CDKN2B-AS1: variants seen among roughly 807,000 people sequenced by gnomAD.
The protein encoded by CDKN2B-AS1 is CDKN2B antisense RNA 1 (non-protein coding).
At chr9:22,052,758 A>T (rs1363565883) in intron 3 of CDKN2B-AS1, among the ~76,000 whole-genome samples, 2 of 152,364 alleles carry the variant, frequency 1.3e-5, no homozygotes, top group South Asian at 2.1e-4. Flanking sequence ...TGTTGGCAAC[A>T]CTTTGTTAAC....
At chr9:22,114,958 A>G (rs1299714699) in intron 4 of CDKN2B-AS1, among the ~76,000 whole-genome samples, 1 of 152,150 alleles carries the variant, frequency 6.6e-6, no homozygotes, top group South Asian at 2.1e-4. Context: ...GATGATTTTC[A>G]GTTAACCAAA....
intron 3 of CDKN2B-AS1, among the ~76,000 whole-genome samples, chr9:22,050,172 G>A (rs1200560458): frequency 6.6e-6 from 1 of 152,164 alleles, no homozygotes; most frequent in Non-Finnish European, 1.5e-5. Context: ...GTACATAAAT[G>A]TGTATGTACC....
At chr9:22,080,402 G>C (rs1372304827) in intron 4 of CDKN2B-AS1, among the ~76,000 whole-genome samples, 2 of 152,236 alleles carry the variant, frequency 1.3e-5, no homozygotes, top group Non-Finnish European at 2.9e-5. Flanking sequence ...CTGAGCTAAA[G>C]ATTCTGAGCT....
chr9:22,043,976 A>T (rs1823006056), intron 1 of CDKN2B-AS1, among the ~76,000 whole-genome samples: 1 of 151,994 alleles, frequency 6.6e-6, no homozygotes, highest in Non-Finnish European at 1.5e-5. Context: ...AACCATAGCA[A>T]TGGTAATAAG....
intron 4 of CDKN2B-AS1, among the ~76,000 whole-genome samples, chr9:22,101,121 C>T (rs10965232): frequency 0.092 from 13,946 of 152,120 alleles, 2,137 homozygotes; most frequent in African/African-American, 0.32. Context: ...TTTAAAATTC[C>T]TCTACCTTTC....
At position 22,040,311 on chromosome 9, in the gene CDKN2B-AS1, G is replaced by A. The variant is rs572320992; in HGVS notation, n.30-6440G>A. ...ATCTATATACAAATTAGGAAATGGA[G>A]CCTCATAGAAATTAAATGACAAGTT... On this transcript the variant is annotated intron_variant and non_coding_transcript_variant, in intron 1 of 4. Coordinates refer to ENST00000650946, the Ensembl canonical transcript of CDKN2B-AS1. Among the ~76,000 whole-genome samples, 7 of 152,138 alleles carry A rather than the reference G, an allele frequency of 4.6e-5. No individual in the cohort carries two copies. In the South Asian group the frequency reaches 1.0e-3, roughly 23 times the overall value.
intron 1 of CDKN2B-AS1, among the ~76,000 whole-genome samples, chr9:22,022,805 T>A (rs1047540347): frequency 1.3e-5 from 2 of 152,232 alleles, no homozygotes; most frequent in African/African-American, 4.8e-5. Context: ...TCAGGAGCTC[T>A]TGTAAGGCAG....
chr9:22,002,576 A>C (rs1195316265), intron 1 of CDKN2B-AS1, among the ~76,000 whole-genome samples: 1 of 152,066 alleles, frequency 6.6e-6, no homozygotes, highest in Non-Finnish European at 1.5e-5. Flanking sequence ...AAATGAAATT[A>C]GTTTTTGTAT....
Position 22,000,867 on chromosome 9 carries a change from T to C in CDKN2B-AS1, n.29+5706T>C, listed in dbSNP as rs1820888976. ...GAACAATGGATTATCCTTACATATT[T>C]GGTTTGGGATTACATTGAGAGCTAC... is the stretch of plus-strand genomic sequence containing the variant. On this transcript the variant is annotated intron_variant and non_coding_transcript_variant, in intron 1 of 4. Transcript: ENST00000650946. The surrounding 1 kb of genome is among the most constrained non-coding windows in gnomAD (Gnocchi z 4.1). Among the ~76,000 whole-genome samples, 1 of 152,156 alleles carries C rather than the reference T, an allele frequency of 6.6e-6. No individual in the cohort carries two copies. The highest frequency in any genetic ancestry group is 1.5e-5 in the Non-Finnish European group (1 of 68,004).
intron 4 of CDKN2B-AS1, among the ~76,000 whole-genome samples, chr9:22,070,235 T>G (rs1587489110): frequency 6.6e-6 from 1 of 152,176 alleles, no homozygotes; most frequent in Non-Finnish European, 1.5e-5. Flanking sequence ...TTTGGAGGAA[T>G]TAGAGTTAAT....
At chr9:22,070,019 T>A (rs1340693639) in intron 4 of CDKN2B-AS1, among the ~76,000 whole-genome samples, 1 of 152,134 alleles carries the variant, frequency 6.6e-6, no homozygotes, top group African/African-American at 2.4e-5. Context: ...GTGCCTCAGA[T>A]TTAATGGTGG....
intron 4 of CDKN2B-AS1, chr9:22,118,411 G>A (rs1381976376): frequency 6.6e-6 from 1 of 152,028 alleles, no homozygotes; most frequent in Non-Finnish European, 1.5e-5. Flanking sequence ...AGCTAAATGG[G>A]TGTCACTTAG....
At chr9:22,088,865 G>C (rs976964032) in intron 4 of CDKN2B-AS1, among the ~76,000 whole-genome samples, 3 of 152,174 alleles carry the variant, frequency 2.0e-5, no homozygotes, top group African/African-American at 7.2e-5. Context: ...CCTGGGTGGA[G>C]TTCACATGAG....
intron 4 of CDKN2B-AS1, among the ~76,000 whole-genome samples, chr9:22,063,237 C>A (rs1376860963): frequency 6.6e-6 from 1 of 152,116 alleles, no homozygotes; most frequent in East Asian, 1.9e-4. Context: ...GCTCTGAGAA[C>A]TTTGCTATTT....
chr9:22,123,777 C>A (rs1351771200), intron 4 of CDKN2B-AS1, among the ~76,000 whole-genome samples: 3 of 152,044 alleles, frequency 2.0e-5, no homozygotes, highest in African/African-American at 4.8e-5. Context: ...AGAAATAGGA[C>A]AAATGGATGC....
intron 4 of CDKN2B-AS1, chr9:22,112,022 T>A (rs1344410306): frequency 1.3e-5 from 2 of 152,176 alleles, no homozygotes; most frequent in Admixed American, 1.3e-4. Context: ...GGCTAGAGGT[T>A]TTTCCCACCA....
At chr9:22,090,977 T>C (rs1172525547) in intron 4 of CDKN2B-AS1, among the ~76,000 whole-genome samples, 4 of 152,210 alleles carry the variant, frequency 2.6e-5, no homozygotes, top group East Asian at 1.9e-4. Context: ...ATTTAAGTCT[T>C]TAATCCATCT....
intron 4 of CDKN2B-AS1, among the ~76,000 whole-genome samples, chr9:22,083,689 A>G (rs1446525006): frequency 6.6e-6 from 1 of 152,204 alleles, no homozygotes; most frequent in Non-Finnish European, 1.5e-5. Flanking sequence ...AATGAGAGAA[A>G]GAAAAGATTT....
chr9:22,071,797 T>C lies in CDKN2B-AS1; in HGVS notation n.438+15410T>C, dbSNP rs570162862. On this transcript the variant is annotated intron_variant and non_coding_transcript_variant, in intron 4 of 4. Transcript: ENST00000650946. ...ACAAATATTTACTGAACACCAACTA[T>C]GAGCTAGGTGATGTAAAAGTGAATA... Among the ~76,000 whole-genome samples, 52 of 152,356 alleles carry C rather than the reference T, an allele frequency of 3.4e-4. 1 individual carries two copies. Among genetic ancestry groups the C allele is most frequent in the African/African-American group, 1.2e-3 (51 of 41,582 alleles).
Sources: gnomAD v4.1 joint callset for allele counts (sites outside exome capture counted in the v4.1 genomes callset) on GRCh38, gnomAD v4.1.1 for gene constraint, Gnocchi (gnomAD v3.1) non-coding constraint, MANE v1.5 for transcripts, NCBI Gene and HGNC (gene_info 2026-07-23, HGNC 2026-07-21) for gene names.